PEBP4: variants seen among roughly 807,000 people sequenced by gnomAD.
PEBP4 encodes phosphatidylethanolamine binding protein 4, also known as phosphatidylethanolamine-binding protein 4.
Under a neutral mutation model 23.9 loss-of-function variants are expected in PEBP4, and 22 were observed. The observed-to-expected ratio is 0.92, with a 90% CI of 0.66 to 1.31. PEBP4 has a LOEUF of 1.31. Among genes scored for constraint, PEBP4 ranks in the 40% most tolerant of loss-of-function variants. The pLI, the probability that PEBP4 is intolerant of heterozygous loss-of-function variation, is 0.00. For synonymous variants in PEBP4, 112 were observed against 99.3 expected (o/e 1.13, Z -0.76); for missense variants, 324 against 281.7 (o/e 1.15, Z -1.07).
Position 22,878,552 on chromosome 8 carries a change from A to C in PEBP4, c.258+41632T>G, listed in dbSNP as rs1440719252. ...GTTACCCTATTGCTCATATCTAATC[A>C]CAAAGCGCAGACAGGTGGGGAGGGC... On this transcript the variant is annotated intron_variant, in intron 3 of 6. Coordinates refer to ENST00000256404, the MANE Select transcript of PEBP4 (RefSeq NM_144962.3). Among the ~76,000 whole-genome samples the C allele has an allele frequency of 4.6e-5, 7 of 152,272 alleles. No individual in the cohort carries two copies. In the South Asian group the frequency reaches 1.2e-3, roughly 27 times the overall value.
chr8:22,937,706 T>C (rs1437573261), intron 1 of PEBP4, among the ~76,000 whole-genome samples: 1 of 152,174 alleles, frequency 6.6e-6, no homozygotes, highest in African/African-American at 2.4e-5. Flanking sequence ...GTAATCCAAA[T>C]AGTTTGGTAC....
chr8:22,787,578 C>T (rs1373097138), intron 4 of PEBP4, among the ~76,000 whole-genome samples: 1 of 152,190 alleles, frequency 6.6e-6, no homozygotes, highest in Non-Finnish European at 1.5e-5. Flanking sequence ...AGGAGTTATC[C>T]TCTAAGGCTA....
chr8:22,797,795 T>C (rs958157981), intron 4 of PEBP4, among the ~76,000 whole-genome samples: 1 of 152,186 alleles, frequency 6.6e-6, no homozygotes, highest in African/African-American at 2.4e-5. Flanking sequence ...TTCATCTCCC[T>C]GGTCCTCAGT....
intron 4 of PEBP4, among the ~76,000 whole-genome samples, chr8:22,773,001 G>C (rs1011055524): frequency 6.6e-6 from 1 of 152,076 alleles, no homozygotes; most frequent in Non-Finnish European, 1.5e-5. Context: ...AAGACTTAGA[G>C]AACCCATCTT....
chr8:22,900,510 G>A (rs184705151), intron 3 of PEBP4, among the ~76,000 whole-genome samples: 30 of 152,188 alleles, frequency 2.0e-4, no homozygotes, highest in Non-Finnish European at 3.2e-4. Flanking sequence ...TTAGGCAGGC[G>A]TGGTTGCAGG....
At chr8:22,749,805 C>CTTTTTTTTGTTTTTTTTTTTT (rs1805209646) in intron 4 of PEBP4, among the ~76,000 whole-genome samples, 1 of 83,762 alleles carries the variant, frequency 1.2e-5, no homozygotes, top group Non-Finnish European at 2.4e-5. Flanking sequence ...GTTTGTCATT[C>CTTTTTTTTGTTTTTTTTTTTT]TTTTTTTTTT....
At chr8:22,831,959 G>A (rs1249449479) in intron 3 of PEBP4, among the ~76,000 whole-genome samples, 2 of 152,146 alleles carry the variant, frequency 1.3e-5, no homozygotes, top group East Asian at 1.9e-4. Flanking sequence ...TGAAAAGGGC[G>A]GGGGCAGGGG....
At chr8:22,847,279 T>C (rs1807458999) in intron 3 of PEBP4, among the ~76,000 whole-genome samples, 1 of 152,190 alleles carries the variant, frequency 6.6e-6, no homozygotes, top group Admixed American at 6.5e-5. Flanking sequence ...CATCCTACCC[T>C]GGCATACAAC....
intron 3 of PEBP4, 101 bp from the exon 4 acceptor site, chr8:22,817,836 G>A: frequency 1.9e-6 from 2 of 1,053,010 alleles, no homozygotes; most frequent in South Asian, 1.3e-5. Flanking sequence ...GAGAATGGCT[G>A]AGTAGCCCCT....
At chr8:22,828,722 C>G (rs1461704789) in intron 3 of PEBP4, among the ~76,000 whole-genome samples, 1 of 152,152 alleles carries the variant, frequency 6.6e-6, no homozygotes, top group Non-Finnish European at 1.5e-5. Flanking sequence ...TCACCAAAGA[C>G]AATGGCACCT....
chr8:22,834,816 G>A (rs1807166498), intron 3 of PEBP4, among the ~76,000 whole-genome samples: 1 of 152,300 alleles, frequency 6.6e-6, no homozygotes, highest in South Asian at 2.1e-4. Context: ...GTGACTGAGA[G>A]GGGACAAGTG....
intron 3 of PEBP4, among the ~76,000 whole-genome samples, chr8:22,830,167 G>C (rs752799323): frequency 6.9e-6 from 1 of 144,978 alleles, no homozygotes; most frequent in Admixed American, 6.9e-5. Context: ...TCTTGCTCTT[G>C]TTGTCAGGCT....
chr8:22,744,630 T>C (rs1269490991), intron 4 of PEBP4: 11 of 152,264 alleles, frequency 7.2e-5, no homozygotes, highest in Admixed American at 5.9e-4. Context: ...GACGATGCAC[T>C]GTCTCAGGTC....
intron 6 of PEBP4, among the ~76,000 whole-genome samples, chr8:22,721,676 A>T (rs553613300): frequency 6.6e-6 from 1 of 152,132 alleles, no homozygotes; most frequent in African/African-American, 2.4e-5. Context: ...CCCAGGGGAC[A>T]CAAGCAGCTG....
intron 3 of PEBP4, among the ~76,000 whole-genome samples, chr8:22,841,856 G>T (rs759719625): frequency 1.3e-5 from 2 of 152,228 alleles, no homozygotes; most frequent in African/African-American, 4.8e-5. Context: ...CACATATATT[G>T]GTGCACTGCC....
intron 3 of PEBP4, among the ~76,000 whole-genome samples, chr8:22,914,551 G>T (rs181802532): frequency 6.6e-6 from 1 of 152,218 alleles, no homozygotes; most frequent in Admixed American, 6.5e-5. Flanking sequence ...GTGGCTTGCT[G>T]GGGTAAGGCA....
intron 6 of PEBP4, among the ~76,000 whole-genome samples, chr8:22,716,706 C>T (rs1385454817): frequency 6.6e-6 from 1 of 152,222 alleles, no homozygotes; most frequent in Non-Finnish European, 1.5e-5. Context: ...GCTAAGCAGG[C>T]ATCTGAGAGA....
chr8:22,894,612 TG>T (rs1269189648), intron 3 of PEBP4, among the ~76,000 whole-genome samples: 1 of 152,020 alleles, frequency 6.6e-6, no homozygotes, highest in Non-Finnish European at 1.5e-5. Flanking sequence ...AATAAATTCT[TG>T]GCTCAAGGCT....
chr8:22,876,443 C>T (rs1279034377), intron 3 of PEBP4, among the ~76,000 whole-genome samples: 3 of 152,166 alleles, frequency 2.0e-5, no homozygotes, highest in Non-Finnish European at 4.4e-5. Flanking sequence ...CAGTATCCAG[C>T]GTATTCTTCC....
Sources: gnomAD v4.1 joint callset for allele counts (sites outside exome capture counted in the v4.1 genomes callset) on GRCh38, gnomAD v4.1.1 for gene constraint, MANE v1.5 for transcripts, NCBI Gene and HGNC (gene_info 2026-07-23, HGNC 2026-07-21) for gene names.